IL16: variants seen among roughly 807,000 people sequenced by gnomAD.
IL16 encodes pro-interleukin-16.
IL16 carries 67 observed loss-of-function variants against 110.1 expected under a neutral mutation model. The observed-to-expected ratio is 0.61, with a 90% CI of 0.50 to 0.75. The LOEUF (loss-of-function observed/expected upper bound fraction) is 0.75. Among genes scored for constraint, IL16 ranks in the 30% least tolerant of loss-of-function variants. The pLI is 0.00. For synonymous variants in IL16, 689 were observed against 662.9 expected, an observed-to-expected ratio of 1.04 and a Z score of -0.61; for missense variants, 1,545 against 1,655.0, an observed-to-expected ratio of 0.93 and a Z score of 1.15.
At chr15:81,222,002 C>T (rs946176575) in intron 1 of IL16, among the ~76,000 whole-genome samples, 6 of 152,214 alleles carry the variant, frequency 3.9e-5, no homozygotes, top group Admixed American at 3.9e-4. Context: ...CACAGCCTTG[C>T]ACCTAGCCCC....
intron 2 of IL16, among the ~76,000 whole-genome samples, chr15:81,234,240 A>C (rs117589785): frequency 2.4e-3 from 367 of 152,160 alleles, no homozygotes; most frequent in Non-Finnish European, 4.5e-3. Flanking sequence ...AGGTGTTTAC[A>C]CTATTTACAT....
chr15:81,300,146 G>A lies in IL16; in HGVS notation c.2820G>A (p.Pro940=), dbSNP rs769404703. 32 of 1,611,182 alleles carry A rather than the reference G, an allele frequency of 2.0e-5. No homozygotes were observed. Among genetic ancestry groups the A allele is most frequent in the South Asian group, 1.2e-4 (11 of 90,990 alleles). The stretch of plus-strand genomic sequence containing the variant: ...AAACTCTCCCCCCTGGCCCGGACCC[G>A]CTCCTAAGGCTGCTGTCAACACAGG... ...NQKTLPPGPD[P]LLRLLSTQAE... Residue 940 remains proline (P), a synonymous_variant, in exon 14 of 19, where the codon CCG becomes CCA. Coordinates refer to ENST00000683961, the MANE Select transcript of IL16 (RefSeq NM_172217.5).
intron 1 of IL16, among the ~76,000 whole-genome samples, chr15:81,212,456 AT>A (rs1330163911): frequency 6.6e-6 from 1 of 151,906 alleles, no homozygotes; most frequent in East Asian, 1.9e-4. Flanking sequence ...ATTTTTAAAA[AT>A]TTTTAAAAAT....
chr15:81,305,848 A>G, intron 16 of IL16, 60 bp from the exon 17 acceptor site: 1 of 1,579,254 alleles, frequency 6.3e-7, no homozygotes, highest in Non-Finnish European at 8.6e-7. Flanking sequence ...ATCCTCCTCC[A>G]GCAAGTATGT....
chr15:81,200,304 G>A (rs943871903), intron 1 of IL16, among the ~76,000 whole-genome samples: 1 of 151,402 alleles, frequency 6.6e-6, no homozygotes, highest in Non-Finnish European at 1.5e-5. Flanking sequence ...GATGTAAAAT[G>A]TAAATTATTA....
Position 81,273,157 on chromosome 15 carries a change from C to A in IL16, c.743C>A (p.Thr248Asn). 6.2e-7 allele frequency: 1 copy of A among 1,613,778 alleles called. No individual in the cohort carries two copies. The highest frequency in any genetic ancestry group is 8.5e-7 in the Non-Finnish European group (1 of 1,179,808). ...GGCCCCATTGGGATTTACGTCAAAA[C>A]CATTTTTGCAGGGGGAGCAGCAGCA... is the stretch of plus-strand genomic sequence containing the variant. ...IYGPIGIYVK[T>N]IFAGGAAAAD... Residue 248 changes from threonine (T) to asparagine (N), a missense_variant, in exon 6 of 19, where the codon ACC becomes AAC. Physicochemically the swap from Thr to Asn is moderately conservative, Grantham distance 65. This residue lies in a region of IL16 where 1,185 missense variants were observed against 1,238.8 expected (regional missense o/e 0.96). Transcript: ENST00000683961.
At chr15:81,225,774 G>A in intron 2 of IL16, 63 bp downstream of exon 2, 1 of 1,334,182 alleles carries the variant, frequency 7.5e-7, no homozygotes, top group Non-Finnish European at 1.0e-6. Flanking sequence ...GTGAATTAAA[G>A]TCTTTGAATC....
At chr15:81,265,435 A>C (rs1196771812) in intron 3 of IL16, among the ~76,000 whole-genome samples, 1 of 152,144 alleles carries the variant, frequency 6.6e-6, no homozygotes, top group African/African-American at 2.4e-5. Flanking sequence ...TGGAAGTGAG[A>C]GTCCCATCTG....
At position 81,282,732 on chromosome 15, in the gene IL16, T is replaced by A; in HGVS notation, c.1175T>A (p.Val392Glu). 5 of 1,613,856 alleles carry A rather than the reference T, an allele frequency of 3.1e-6. No individual in the cohort carries two copies. The highest frequency in any genetic ancestry group is 4.2e-6 in the Non-Finnish European group (5 of 1,179,704). The stretch of plus-strand genomic sequence containing the variant: ...GTCCACACGCTGTCACCAGGATCCG[T>A]GGCGCACCTGGACGGACGTCTCCGG... ...IFVHTLSPGS[V>E]AHLDGRLRCG... The change falls in exon 9 of 19, where the codon GTG becomes GAG. Residue 392 changes from valine (V) to glutamate (E), a missense_variant. By Grantham distance (121) the Val-to-Glu change is moderately radical. Around this residue, in one of 3 missense-constraint regions of IL16, gnomAD observed 1,185 missense variants for 1,238.8 expected, o/e 0.96. Coordinates refer to ENST00000683961, the MANE Select transcript of IL16 (RefSeq NM_172217.5).
chr15:81,218,993 A>T (rs1896528340), intron 1 of IL16, among the ~76,000 whole-genome samples: 1 of 151,288 alleles, frequency 6.6e-6, no homozygotes, highest in Admixed American at 6.6e-5. Context: ...TCTCAGAATT[A>T]TTTTCTTTAG....
Position 81,265,728 on chromosome 15 carries a change from GGCA to G in IL16, c.494_496del (p.Gln165del). 6.2e-7 allele frequency: 1 copy of G among 1,614,006 alleles called. No individual in the cohort carries two copies. Among genetic ancestry groups the G allele is most frequent in the Non-Finnish European group, 8.5e-7 (1 of 1,179,932 alleles). ...AAGAAATCTGCAGCGCCCACGGACAGGCAGCCTTACTCTCTCTGCAGTAACAGG... is the reference window on the plus strand; with the variant it reads ...AAGAAATCTGCAGCGCCCACGGACAGGCCTTACTCTCTCTGCAGTAACAGG... On this transcript the variant is annotated inframe_deletion, in exon 4 of 19. Coordinates refer to ENST00000683961, the MANE Select transcript of IL16 (RefSeq NM_172217.5).
At position 81,253,873 on chromosome 15, in the gene IL16, G is replaced by A. The variant is rs965224034; in HGVS notation, c.313-5899G>A. On this transcript the variant is annotated intron_variant, in intron 2 of 18. Coordinates refer to ENST00000683961, the MANE Select transcript of IL16 (RefSeq NM_172217.5). ...GGACATGGGAACTGCAGTCATGCAG[G>A]GGTCGGAGAGTAAGAACTTGAGAAG... Among the ~76,000 whole-genome samples, 7 of 152,178 alleles carry A rather than the reference G, an allele frequency of 4.6e-5. No individual in the cohort carries two copies. The East Asian group carries it at 5.8e-4, about 13-fold the overall frequency.
intron 12 of IL16, 151 bp from the exon 13 acceptor site, chr15:81,296,777 G>C: frequency 1.5e-6 from 1 of 682,196 alleles, no homozygotes; most frequent in Middle Eastern, 4.3e-4. Context: ...CAGCACCAAG[G>C]AGAAAAGAAT....
In IL16 at chr15:81,285,587, G is replaced by A; in HGVS notation, c.1200-111G>A. 4 of 1,201,118 alleles carry A rather than the reference G, an allele frequency of 3.3e-6. No homozygotes were observed. In the South Asian group the frequency reaches 6.0e-5, roughly 18 times the overall value. 74.4% of individuals were successfully genotyped at this position (1,201,118 alleles called of 1,614,324 possible). Reference sequence around the variant, plus strand: ...GCTAGTGGGGTCTACTTATTCATGTGATTTTTATATCTCATCAAACAGCCC... The same window carrying A: ...GCTAGTGGGGTCTACTTATTCATGTAATTTTTATATCTCATCAAACAGCCC... On this transcript the variant is annotated intron_variant, in intron 9 of 18. Coordinates refer to ENST00000683961, the MANE Select transcript of IL16 (RefSeq NM_172217.5).
At chr15:81,247,843 T>A (rs1452642087) in intron 2 of IL16, among the ~76,000 whole-genome samples, 1 of 152,332 alleles carries the variant, frequency 6.6e-6, no homozygotes, top group South Asian at 2.1e-4. Flanking sequence ...AAGTGCCTTA[T>A]AATTAATTGT....
intron 2 of IL16, among the ~76,000 whole-genome samples, chr15:81,242,746 G>T (rs1327005812): frequency 4.6e-5 from 7 of 152,016 alleles, no homozygotes; most frequent in African/African-American, 1.4e-4. Context: ...ACTTCCAGTA[G>T]TATGTTGAAT....
At chr15:81,273,839 A>G (rs534880482) in intron 6 of IL16, among the ~76,000 whole-genome samples, 1 of 148,258 alleles carries the variant, frequency 6.7e-6, no homozygotes, top group Admixed American at 6.8e-5. Context: ...TCATATCCTC[A>G]CAAGACAGAA....
In IL16 at chr15:81,310,243, A is replaced by G. The variant is rs780871566; in HGVS notation, c.*1445A>G. Reference sequence around the variant, plus strand: ...TTCTCAGGCCATCATCAGTGGAGCCATGTTAATGTAATCTGATGGCTTCTC... The same window carrying G: ...TTCTCAGGCCATCATCAGTGGAGCCGTGTTAATGTAATCTGATGGCTTCTC... On this transcript the variant is annotated 3_prime_UTR_variant, in exon 19 of 19. Coordinates refer to ENST00000683961, the MANE Select transcript of IL16 (RefSeq NM_172217.5). 1 of 152,254 alleles carries G rather than the reference A, an allele frequency of 6.6e-6. No individual in the cohort carries two copies. The highest frequency in any genetic ancestry group is 2.4e-5 in the African/African-American group (1 of 41,470). The allele number at this position is 152,254 out of a possible 1,614,324, so 9.4% of individuals were successfully genotyped here.
intron 1 of IL16, among the ~76,000 whole-genome samples, chr15:81,224,594 C>CACT (rs1412546970): frequency 6.6e-6 from 1 of 152,228 alleles, no homozygotes; most frequent in Non-Finnish European, 1.5e-5. Flanking sequence ...CTCATGTTTG[C>CACT]CAGGAGCCTG....
Sources: allele counts gnomAD v4.1 joint callset (sites outside exome capture counted in the v4.1 genomes callset), GRCh38; gene constraint gnomAD v4.1.1; regional missense constraint gnomAD v4.1.1; transcripts MANE v1.5; gene names NCBI Gene and HGNC (gene_info 2026-07-23, HGNC 2026-07-21).